NOP14: variants seen among roughly 807,000 people sequenced by gnomAD.
The protein encoded by NOP14 is NOP14 nucleolar protein, also known as nucleolar protein 14.
In NOP14, 57 loss-of-function variants were observed where a neutral mutation model predicts 101.6. The ratio of observed to expected loss-of-function variants is 0.56; its 90% CI spans 0.45 to 0.70. The LOEUF (loss-of-function observed/expected upper bound fraction) is 0.70, where lower values mean the gene tolerates loss of function less well. NOP14 is among the 30% of genes least tolerant of loss of function. NOP14 has a pLI of 0.00. For missense variants in NOP14, 1,134 were observed against 1,075.5 expected (o/e 1.05, Z -0.76); for synonymous variants, 428 against 424.0 (o/e 1.01, Z -0.12).
intron 15 of NOP14, chr4:2,941,369 C>T (rs1714173183): frequency 1.4e-5 from 8 of 558,864 alleles, no homozygotes; most frequent in South Asian, 4.2e-5. Flanking sequence ...TCCCAGCTGC[C>T]GCCTGAGATG....
chr4:2,953,429 T>G, intron 5 of NOP14, 82 bp downstream of exon 5: 9 of 1,511,730 alleles, frequency 6.0e-6, no homozygotes, highest in Non-Finnish European at 8.1e-6. Context: ...AGAAGAGCCG[T>G]CCAGCCCCAG....
Position 2,963,398 on chromosome 4 carries a change from C to T in NOP14, c.-79G>A, listed in dbSNP as rs915512849. 3 of 1,375,800 alleles carry T rather than the reference C, an allele frequency of 2.2e-6. No homozygotes were observed. The highest frequency in any genetic ancestry group is 1.5e-5 in the South Asian group (1 of 68,480). The allele number at this position is 1,375,800 out of a possible 1,614,324, so 85.2% of individuals were successfully genotyped here. On this transcript the variant is annotated 5_prime_UTR_variant, in exon 1 of 18. Transcript: ENST00000416614. The stretch of plus-strand genomic sequence containing the variant: ...CGCTACCCTAAGACACGTGCCGGGC[C>T]GCGGAACCGCTTCCTCGTCTCGCGA...
Position 2,953,551 on chromosome 4 carries a change from G to C in NOP14, c.707C>G (p.Thr236Ser), listed in dbSNP as rs1247274915. 1 of 1,614,230 alleles carries C rather than the reference G, an allele frequency of 6.2e-7. No homozygotes were observed. The highest frequency in any genetic ancestry group is 1.1e-5 in the South Asian group (1 of 91,092). Residue 236 changes from threonine to serine, a missense_variant, in exon 5 of 18, where the codon ACT (threonine) becomes AGT (serine). Coordinates refer to ENST00000416614, the MANE Select transcript of NOP14 (RefSeq NM_001291978.2). Reference sequence around the variant, plus strand: ...TTTGTCTCTGTTCTCTGACTTGGGAGTTTTGTGGGACAGGAGAGTCTGAAT... The same window carrying C: ...TTTGTCTCTGTTCTCTGACTTGGGACTTTTGTGGGACAGGAGAGTCTGAAT... ...KEIQTLLSHKTPKSENRDKKE... is the reference protein window; with the variant it reads ...KEIQTLLSHKSPKSENRDKKE...
chr4:2,950,026 T>G lies in NOP14; in HGVS notation c.1190A>C (p.Lys397Thr). The G allele has an allele frequency of 6.2e-7, 1 of 1,614,224 alleles. No homozygotes were observed. Residue 397 changes from lysine to threonine, a missense_variant, in exon 8 of 18, where the codon AAA becomes ACA. Transcript: ENST00000416614. Reference sequence around the variant, plus strand: ...TTTCCCAGGAGTCTGCCTCTGCTCTTTTGCTGGCTTCTCGTTTTCTTCCTC... The same window carrying G: ...TTTCCCAGGAGTCTGCCTCTGCTCTGTTGCTGGCTTCTCGTTTTCTTCCTC... ...ESEEENEKPA[K>T]EQRQTPGKGL...
rs954090035 is a variant in NOP14 at position 2,939,033 on chromosome 4, T to G, written c.2475-103A>C. The G allele has an allele frequency of 2.7e-6, 4 of 1,474,592 alleles. No homozygotes were observed. The African/African-American group carries it at 5.6e-5, about 20-fold the overall frequency. 91.3% of individuals were successfully genotyped at this position (1,474,592 alleles called of 1,614,324 possible). A position where few individuals can be genotyped will look rare whatever the true frequency, so the allele number is the denominator to read the frequency against. ...AACCACATTAGCCACCGTGGCCACG[T>G]TCAGTTCAAACAGGGGGAAGTGAAC... On this transcript the variant is annotated intron_variant, in intron 17 of 17. Transcript: ENST00000416614.
intron 1 of NOP14, among the ~76,000 whole-genome samples, chr4:2,960,794 A>T (rs559583601): frequency 1.2e-5 from 1 of 85,886 alleles, no homozygotes. Context: ...AATCACATTA[A>T]TATTAATATA....
At chr4:2,941,349 A>G in intron 15 of NOP14, 1 of 531,644 alleles carries the variant, frequency 1.9e-6, no homozygotes, top group Non-Finnish European at 3.4e-6. Context: ...GAAGCACACA[A>G]GGCGACAGTT....
rs1715219658 is a variant in NOP14, at chr4:2,954,547, G to A, written c.489C>T (p.Ala163=). Residue 163 remains alanine, a synonymous_variant, in exon 4 of 18, where the codon GCC becomes GCT. Transcript: ENST00000416614. ...GGAGCCCACCGCCTCCTCCAAAGTG[G>A]GCAGCAGTCAGCTCAGCTGGGGGCA... ...RGTLSAELTA[A]HFGGGGGLLH... The A allele has an allele frequency of 6.2e-7, 1 of 1,614,032 alleles. No homozygotes were observed. The highest frequency in any genetic ancestry group is 8.5e-7 in the Non-Finnish European group (1 of 1,179,980).
chr4:2,944,597 G>C (rs149788007), intron 12 of NOP14, among the ~76,000 whole-genome samples: 1,555 of 152,230 alleles, frequency 0.01, 16 homozygotes, highest in African/African-American at 0.025. Context: ...AGTAGAGACG[G>C]GGTTTCGCCA....
At chr4:2,944,263 C>T (rs747432832) in intron 12 of NOP14, 37 bp from the exon 13 acceptor site, 5 of 1,592,516 alleles carry the variant, frequency 3.1e-6, no homozygotes, top group South Asian at 2.3e-5. Context: ...TGTCCTGGGA[C>T]GATGTCATGC....
intron 1 of NOP14, among the ~76,000 whole-genome samples, chr4:2,962,831 G>A (rs781155617): frequency 2.6e-5 from 4 of 152,180 alleles, no homozygotes; most frequent in Non-Finnish European, 5.9e-5. Flanking sequence ...AAACGCGGAA[G>A]GGTTAACAAG....
In NOP14 at chr4:2,940,010, G is replaced by A. The variant is rs1044747844; in HGVS notation, c.2200-365C>T. On this transcript the variant is annotated intron_variant, in intron 15 of 17. Transcript: ENST00000416614. Reference sequence around the variant, plus strand: ...CCTCTTTCCCAGACAAACTTGGCACGAAAGGCCGTGAGCCACTTGCTTCGT... The same window carrying A: ...CCTCTTTCCCAGACAAACTTGGCACAAAAGGCCGTGAGCCACTTGCTTCGT... Among the ~76,000 whole-genome samples the A allele has an allele frequency of 7.9e-5, 12 of 152,362 alleles. No individual in the cohort carries two copies. In the South Asian group the frequency reaches 1.0e-3, roughly 13 times the overall value.
chr4:2,944,188 C>T lies in NOP14; in HGVS notation c.1776G>A (p.Leu592=). 6.2e-7 allele frequency: 1 copy of T among 1,614,144 alleles called. No individual in the cohort carries two copies. Among genetic ancestry groups the T allele is most frequent in the Non-Finnish European group, 8.5e-7 (1 of 1,180,008 alleles). Reference sequence around the variant, plus strand: ...ACTCCAGGAACAGGCAGCACACGAACAGGCCCTTCACCACGTCCTGGAGGG... The same window carrying T: ...ACTCCAGGAACAGGCAGCACACGAATAGGCCCTTCACCACGTCCTGGAGGG... ...ILSLQDVVKG[L]FVCCLFLEYV... The change falls in exon 13 of 18, where the codon CTG becomes CTA. Residue 592 remains leucine, a synonymous_variant. Transcript: ENST00000416614.
intron 12 of NOP14, 21 bp downstream of exon 12, chr4:2,945,107 C>A (rs900795759): frequency 1.3e-6 from 2 of 1,543,854 alleles, no homozygotes; most frequent in African/African-American, 1.4e-5. Context: ...CCGACCCCTG[C>A]CGCATGTGGA....
chr4:2,960,224 G>A (rs1423062334), intron 1 of NOP14, among the ~76,000 whole-genome samples: 3 of 151,790 alleles, frequency 2.0e-5, no homozygotes, highest in Admixed American at 1.3e-4. Context: ...TGCCTGCCTC[G>A]GCCTCCCAAA....
chr4:2,954,222 A>C (rs928623000), intron 4 of NOP14, among the ~76,000 whole-genome samples: 2 of 152,280 alleles, frequency 1.3e-5, no homozygotes, highest in Admixed American at 1.3e-4. Flanking sequence ...ACATAAACCA[A>C]AAAAAGGCAA....
At position 2,962,658 on chromosome 4, in the gene NOP14, AT is replaced by A. The variant is rs199513210; in HGVS notation, c.195+466del. 3.9e-3 allele frequency among the ~76,000 whole-genome samples: 592 copies of A among 151,114 alleles called. 4 individuals are homozygous for A. Among genetic ancestry groups the A allele is most frequent in the African/African-American group, 9.7e-3 (398 of 41,240 alleles). On this transcript the variant is annotated intron_variant, in intron 1 of 17. Transcript: ENST00000416614. ...TGCTAATGTATGTTCCTCAGTGAAA[AT>A]TTAAAAAAAAAAAAGTTAAAAAAAC...
intron 3 of NOP14, 92 bp downstream of exon 3, chr4:2,956,578 C>A: frequency 8.1e-7 from 1 of 1,242,036 alleles, no homozygotes; most frequent in Non-Finnish European, 1.1e-6. Context: ...CAATAACTTT[C>A]TCTAGTCTCT....
chr4:2,959,508 G>C (rs577262691), intron 1 of NOP14, among the ~76,000 whole-genome samples: 6 of 152,276 alleles, frequency 3.9e-5, no homozygotes, highest in South Asian at 2.1e-4. Context: ...CAGGAGAATG[G>C]CGTGAACCCG....
Sources: allele counts gnomAD v4.1 joint callset (sites outside exome capture counted in the v4.1 genomes callset), GRCh38; gene constraint gnomAD v4.1.1; transcripts MANE v1.5; gene names NCBI Gene and HGNC (gene_info 2026-07-23, HGNC 2026-07-21).